Variants in NAT2 observed in about 807,000 individuals in gnomAD.
NAT2 encodes the protein N-acetyltransferase 2.
For synonymous variants in NAT2, 137 were observed against 125.9 expected (o/e 1.09, Z -0.59); for missense variants, 428 against 339.1 (o/e 1.26, Z -2.06).
At chr8:18,391,227 G>A (rs954444793), upstream of NAT2, 1 of 152,108 alleles carries the variant, frequency 6.6e-6, no homozygotes, top group African/African-American at 2.4e-5. Flanking sequence ...CTGGTGTCAG[G>A]GTGATACGGA....
At position 18,400,251 on chromosome 8, in the gene NAT2, GT is replaced by G. The variant is rs1800766084; in HGVS notation, c.252del (p.Gln85ArgfsTer5). ...CTGTACTGGGCTCTGACCACAATCGGTTTTCAGACCACAATGTTAGGAGGGT... is the reference window on the plus strand; with the variant it reads ...CTGTACTGGGCTCTGACCACAATCGGTTTCAGACCACAATGTTAGGAGGGT... Reference protein sequence around the residue: ...QLLYWALTTIGFQTTMLGGYF... With the variant: ...QLLYWALTTIXFQTTMLGGYF... On this transcript the variant is annotated frameshift_variant, in exon 2 of 2. Coordinates refer to ENST00000286479, the MANE Select transcript of NAT2 (RefSeq NM_000015.3). LOFTEE classifies it low-confidence loss of function (END_TRUNC). 3.1e-6 allele frequency: 5 copies of G among 1,612,626 alleles called. No homozygotes were observed. Among genetic ancestry groups the G allele is most frequent in the Non-Finnish European group, 4.2e-6 (5 of 1,179,190 alleles).
chr8:18,389,469 G>C (rs1321546506), upstream of NAT2, among the ~76,000 whole-genome samples: 1 of 152,214 alleles, frequency 6.6e-6, no homozygotes, highest in Non-Finnish European at 1.5e-5. Context: ...CAATAGGTAT[G>C]TGAAGAACCT....
chr8:18,390,205 G>A (rs993657111), upstream of NAT2, among the ~76,000 whole-genome samples: 1 of 151,498 alleles, frequency 6.6e-6, no homozygotes, highest in South Asian at 2.1e-4. Flanking sequence ...ACAGAGTCCC[G>A]AGTTCATGTG....
intron 1 of NAT2, among the ~76,000 whole-genome samples, chr8:18,393,036 G>A (rs964541151): frequency 3.9e-5 from 6 of 151,968 alleles, no homozygotes; most frequent in African/African-American, 9.7e-5. Flanking sequence ...GTCCACAGAC[G>A]CAAATTTTCC....
chr8:18,400,134 G>C lies in NAT2; in HGVS notation c.131G>C (p.Cys44Ser), dbSNP rs1411878664. 3.7e-6 allele frequency: 6 copies of C among 1,613,950 alleles called. No individual in the cohort carries two copies. The highest frequency in any genetic ancestry group is 2.2e-5 in the East Asian group (1 of 44,892). The part of the protein sequence containing the change: ...AVPFENLNMH[C>S]GQAMELGLEA... ...CCCTTTGAGAACCTTAACATGCATT[G>C]TGGGCAAGCCATGGAGTTGGGCTTA... Residue 44 changes from cysteine (C) to serine (S), a missense_variant, in exon 2 of 2, where the codon TGT (cysteine) becomes TCT (serine). Cys to Ser is a moderately radical substitution (Grantham distance 112). Transcript: ENST00000286479.
At position 18,400,831 on chromosome 8, in the gene NAT2, G is replaced by A. The variant is rs769396303; in HGVS notation, c.828G>A (p.Gly276=). ...GAAATATATTTAAGATTTCCTTGGGGAGAAATCTCGTGCCCAAACCTGGTG... is the reference window on the plus strand; with the variant it reads ...GAAATATATTTAAGATTTCCTTGGGAAGAAATCTCGTGCCCAAACCTGGTG... The part of the protein sequence containing the change: ...VLRNIFKISL[G]RNLVPKPGDG... Residue 276 remains glycine, a synonymous_variant, in exon 2 of 2, where the codon GGG becomes GGA. Coordinates refer to ENST00000286479, the MANE Select transcript of NAT2 (RefSeq NM_000015.3). The A allele has an allele frequency of 1.2e-6, 2 of 1,607,856 alleles. No individual in the cohort carries two copies. Among genetic ancestry groups the A allele is most frequent in the East Asian group, 2.2e-5 (1 of 44,820 alleles).
intron 1 of NAT2, among the ~76,000 whole-genome samples, chr8:18,399,315 C>T (rs1223583535): frequency 1.3e-5 from 2 of 152,090 alleles, no homozygotes; most frequent in African/African-American, 4.8e-5. Flanking sequence ...ACCCACTAAC[C>T]CCTCTTTTTG....
chr8:18,386,519 G>A (rs1020858573), upstream of NAT2, among the ~76,000 whole-genome samples: 16 of 152,270 alleles, frequency 1.1e-4, no homozygotes, highest in Admixed American at 7.8e-4. Context: ...GTTCTGTCCC[G>A]GACACACGGT....
In NAT2 at chr8:18,400,781, G is replaced by C. The variant is rs754185402; in HGVS notation, c.778G>C (p.Glu260Gln). The change falls in exon 2 of 2, where the codon GAG becomes CAG. Residue 260 changes from glutamate (E) to glutamine (Q), a missense_variant. Coordinates refer to ENST00000286479, the MANE Select transcript of NAT2 (RefSeq NM_000015.3). Reference sequence around the variant, plus strand: ...TCTGGTCGAGTTTAAAACTCTCACTGAGGAAGAGGTTGAAGAAGTGCTGAG... The same window carrying C: ...TCTGGTCGAGTTTAAAACTCTCACTCAGGAAGAGGTTGAAGAAGTGCTGAG... Reference protein sequence around the residue: ...TDLVEFKTLTEEEVEEVLRNI... With the variant: ...TDLVEFKTLTQEEVEEVLRNI... 1 of 1,613,290 alleles carries C rather than the reference G, an allele frequency of 6.2e-7. No homozygotes were observed. Among genetic ancestry groups the C allele is most frequent in the Non-Finnish European group, 8.5e-7 (1 of 1,179,872 alleles).
Position 18,400,942 on chromosome 8 carries a change from A to G in NAT2, c.*66A>G. The G allele has an allele frequency of 2.4e-6, 3 of 1,241,408 alleles. No individual in the cohort carries two copies. Among genetic ancestry groups the G allele is most frequent in the Non-Finnish European group, 3.3e-6 (3 of 897,110 alleles). The allele number at this position is 1,241,408 out of a possible 1,614,324, so 76.9% of individuals were successfully genotyped here. On this transcript the variant is annotated 3_prime_UTR_variant, in exon 2 of 2. Coordinates refer to ENST00000286479, the MANE Select transcript of NAT2 (RefSeq NM_000015.3). ...CTCACTAATTATCAACTTATGTGCT[A>G]TCAGATATCCTCTCTACCCTCACGT...
intron 1 of NAT2, among the ~76,000 whole-genome samples, chr8:18,394,483 CTT>C (rs962501689): frequency 6.6e-6 from 1 of 152,108 alleles, no homozygotes; most frequent in African/African-American, 2.4e-5. Context: ...CTGGAACATT[CTT>C]TTTTGTAAAG....
Position 18,400,329 on chromosome 8 carries a change from T to G in NAT2, c.326T>G (p.Leu109Arg). Residue 109 changes from leucine to arginine, a missense_variant, in exon 2 of 2, where the codon CTC becomes CGC. Leu to Arg is a moderately radical substitution (Grantham distance 102, BLOSUM62 -2). Coordinates refer to ENST00000286479, the MANE Select transcript of NAT2 (RefSeq NM_000015.3). ...TACAGCACTGGCATGGTTCACCTTC[T>G]CCTGCAGGTGACCATTGACGGCAGG... ...NKYSTGMVHL[L>R]LQVTIDGRNY... The G allele has an allele frequency of 2.5e-6, 4 of 1,613,680 alleles. No individual in the cohort carries two copies. The highest frequency in any genetic ancestry group is 3.4e-6 in the Non-Finnish European group (4 of 1,179,794).
chr8:18,395,679 C>T (rs1299245999), intron 1 of NAT2, among the ~76,000 whole-genome samples: 1 of 152,056 alleles, frequency 6.6e-6, no homozygotes, highest in African/African-American at 2.4e-5. Context: ...AAACTTAAAA[C>T]AAGTTTCATA....
At chr8:18,395,597 G>C (rs1268717712) in intron 1 of NAT2, among the ~76,000 whole-genome samples, 1 of 152,036 alleles carries the variant, frequency 6.6e-6, no homozygotes, top group Non-Finnish European at 1.5e-5. Context: ...TATCAAAAAA[G>C]ATAATGAGGT....
upstream of NAT2, among the ~76,000 whole-genome samples, chr8:18,389,238 A>T (rs963618249): frequency 2.0e-5 from 3 of 152,200 alleles, no homozygotes; most frequent in African/African-American, 7.2e-5. Context: ...TAATCCATTG[A>T]CAATTCCTCT....
chr8:18,399,310 C>G (rs1800748136), intron 1 of NAT2, among the ~76,000 whole-genome samples: 1 of 152,198 alleles, frequency 6.6e-6, no homozygotes, highest in African/African-American at 2.4e-5. Flanking sequence ...TGTGCACCCA[C>G]TAACCCCTCT....
chr8:18,390,384 A>G (rs1028667265), upstream of NAT2, among the ~76,000 whole-genome samples: 9 of 152,342 alleles, frequency 5.9e-5, no homozygotes, highest in East Asian at 5.8e-4. Context: ...CTGGAGAGAA[A>G]AGAGGGTATG....
intron 1 of NAT2, among the ~76,000 whole-genome samples, chr8:18,391,920 C>T (rs747991966): frequency 9.9e-5 from 15 of 152,226 alleles, no homozygotes; most frequent in Non-Finnish European, 1.9e-4. Flanking sequence ...GCCCTTTTAA[C>T]TCAAGCATTT....
chr8:18,392,089 G>C (rs964520723), intron 1 of NAT2, among the ~76,000 whole-genome samples: 2 of 152,224 alleles, frequency 1.3e-5, no homozygotes, highest in Non-Finnish European at 2.9e-5. Context: ...GCCATAGGCT[G>C]TTGGCCCCCT....
Sources: allele counts gnomAD v4.1 joint callset (sites outside exome capture counted in the v4.1 genomes callset), GRCh38; gene constraint gnomAD v4.1.1; transcripts MANE v1.5; gene names NCBI Gene and HGNC (gene_info 2026-07-23, HGNC 2026-07-21).